ITIH2: variants seen among roughly 807,000 people sequenced by gnomAD.
The protein encoded by ITIH2 is inter-alpha-trypsin inhibitor heavy chain 2.
A neutral mutation model predicts 104.4 loss-of-function variants in ITIH2; 103 were observed. That is an observed-to-expected ratio of 0.99 (90% CI 0.84 to 1.16). The LOEUF (loss-of-function observed/expected upper bound fraction) is 1.16, where lower values mean the gene tolerates loss of function less well. Among genes scored for constraint, ITIH2 ranks in the 50% most tolerant of loss-of-function variants. ITIH2 has a pLI of 0.00. For synonymous variants in ITIH2, 436 were observed against 435.4 expected, an observed-to-expected ratio of 1.00 and a Z score of -0.02; for missense variants, 1,108 against 1,162.4, an observed-to-expected ratio of 0.95 and a Z score of 0.68.
At chr10:7,735,812 A>T (rs983119946) in intron 15 of ITIH2, among the ~76,000 whole-genome samples, 1 of 151,740 alleles carries the variant, frequency 6.6e-6, no homozygotes, top group Admixed American at 6.6e-5. Context: ...AGCTGGGATT[A>T]CAGGCATGTG....
At chr10:7,731,063 C>T (rs1055619948) in intron 12 of ITIH2, among the ~76,000 whole-genome samples, 2 of 152,088 alleles carry the variant, frequency 1.3e-5, no homozygotes, top group East Asian at 1.9e-4. Context: ...GGATTACAGG[C>T]ATGTGCCACC....
chr10:7,742,229 T>C (rs1033347908), intron 16 of ITIH2, among the ~76,000 whole-genome samples: 3 of 149,506 alleles, frequency 2.0e-5, no homozygotes, highest in Admixed American at 1.3e-4. Context: ...AATGGTTAAA[T>C]GGGAAAGAGC....
At chr10:7,725,218 T>C (rs1440861909) in intron 9 of ITIH2, among the ~76,000 whole-genome samples, 1 of 151,996 alleles carries the variant, frequency 6.6e-6, no homozygotes, top group East Asian at 1.9e-4. Context: ...AAACCAAGAG[T>C]GGCAATTGCA....
At chr10:7,711,570 AC>A (rs1834797368) in intron 4 of ITIH2, among the ~76,000 whole-genome samples, 1 of 152,166 alleles carries the variant, frequency 6.6e-6, no homozygotes, top group Admixed American at 6.5e-5. Flanking sequence ...GGCCTTTGAG[AC>A]TTAGTTCTGA....
rs774524024 is a variant in ITIH2 at position 7,723,451 on chromosome 10, G to A, written c.868G>A (p.Val290Met). Residue 290 changes from valine to methionine, a missense_variant and splice_region_variant, in exon 9 of 21, where the codon GTG becomes ATG. Val to Met is a conservative substitution (Grantham distance 21, BLOSUM62 1). Transcript: ENST00000358415. The stretch of plus-strand genomic sequence containing the variant: ...CTCACAAATACCTTCTATTTTTCAG[G>A]TGTTTAATGGATATTTTGTCCACTT... The part of the protein sequence containing the change: ...KREEKAGELE[V>M]FNGYFVHFFA... 9 of 1,577,472 alleles carry A rather than the reference G, an allele frequency of 5.7e-6. No individual in the cohort carries two copies. In the South Asian group the frequency reaches 1.0e-4, roughly 17 times the overall value.
chr10:7,717,423 G>A lies in ITIH2; in HGVS notation c.468-203G>A, dbSNP rs975779116. 3.3e-5 allele frequency among the ~76,000 whole-genome samples: 5 copies of A among 152,324 alleles called. No homozygotes were observed. The East Asian group carries it at 5.8e-4, about 18-fold the overall frequency. On this transcript the variant is annotated intron_variant, in intron 5 of 20. Transcript: ENST00000358415. The stretch of plus-strand genomic sequence containing the variant: ...TAAGAAGCTCTGGGAGCTGGAGATC[G>A]GGTAGGAGAGGAGACTGAAGCTCTT...
chr10:7,717,881 T>G lies in ITIH2; in HGVS notation c.630+93T>G. 3 of 1,273,590 alleles carry G rather than the reference T, an allele frequency of 2.4e-6. No homozygotes were observed. The South Asian group carries it at 4.1e-5, about 17-fold the overall frequency. The allele number at this position is 1,273,590 out of a possible 1,614,324, so 78.9% of individuals were successfully genotyped here. On this transcript the variant is annotated intron_variant, in intron 6 of 20. Transcript: ENST00000358415. Reference sequence around the variant, plus strand: ...TTCTGCTTGTCACTAGCACTTGTGGTGTTGGATGCCACTCAACTCTACAAG... The same window carrying G: ...TTCTGCTTGTCACTAGCACTTGTGGGGTTGGATGCCACTCAACTCTACAAG...
intron 11 of ITIH2, among the ~76,000 whole-genome samples, chr10:7,728,390 T>C (rs1437060693): frequency 6.6e-6 from 1 of 152,182 alleles, no homozygotes; most frequent in Non-Finnish European, 1.5e-5. Context: ...GTTTATTTTA[T>C]TTATTTTTGA....
At chr10:7,730,541 C>T (rs1341271846) in intron 12 of ITIH2, among the ~76,000 whole-genome samples, 1 of 152,130 alleles carries the variant, frequency 6.6e-6, no homozygotes, top group Non-Finnish European at 1.5e-5. Context: ...AAGATACAGG[C>T]TGAGTGTGGT....
chr10:7,735,821 T>C (rs866431525), intron 15 of ITIH2, among the ~76,000 whole-genome samples: 2 of 151,872 alleles, frequency 1.3e-5, no homozygotes, highest in Admixed American at 6.6e-5. Flanking sequence ...TACAGGCATG[T>C]GCCACCACGC....
intron 15 of ITIH2, among the ~76,000 whole-genome samples, chr10:7,736,746 G>A (rs527804531): frequency 4.6e-5 from 7 of 152,238 alleles, no homozygotes; most frequent in Non-Finnish European, 8.8e-5. Context: ...GTATTCATGG[G>A]TAAGTATTAT....
intron 3 of ITIH2, 147 bp from the exon 4 acceptor site, chr10:7,708,875 C>A: frequency 1.4e-6 from 1 of 695,536 alleles, no homozygotes; most frequent in Non-Finnish European, 2.5e-6. Context: ...CTTAACCATA[C>A]ATGAATTCTG....
At chr10:7,733,494 A>G (rs1835023700) in intron 14 of ITIH2, among the ~76,000 whole-genome samples, 1 of 152,142 alleles carries the variant, frequency 6.6e-6, no homozygotes, top group Admixed American at 6.6e-5. Context: ...ATGCTCATCT[A>G]TGTCCCCTCT....
chr10:7,714,284 G>T (rs917188782), intron 5 of ITIH2, among the ~76,000 whole-genome samples: 1 of 148,006 alleles, frequency 6.8e-6, no homozygotes, highest in African/African-American at 2.5e-5. Flanking sequence ...CCATTCTCCT[G>T]CCTCAGCCTC....
At chr10:7,713,127 A>G in intron 4 of ITIH2, 54 bp from the exon 5 acceptor site, 1 of 1,238,328 alleles carries the variant, frequency 8.1e-7, no homozygotes, top group Non-Finnish European at 1.1e-6. Context: ...CTCGAGGGGA[A>G]AAAAAAAAAA....
intron 2 of ITIH2, among the ~76,000 whole-genome samples, chr10:7,706,501 C>T (rs2131151220): frequency 6.6e-6 from 1 of 152,318 alleles, no homozygotes; most frequent in East Asian, 1.9e-4. Flanking sequence ...GTGCCAGTCA[C>T]TGTGTTTGCC....
At chr10:7,719,112 G>T (rs1375139956) in intron 6 of ITIH2, among the ~76,000 whole-genome samples, 1 of 152,152 alleles carries the variant, frequency 6.6e-6, no homozygotes, top group Non-Finnish European at 1.5e-5. Flanking sequence ...GTTGTGAATT[G>T]CCCGGAGACA....
At position 7,738,627 on chromosome 10, in the gene ITIH2, T is replaced by C. The variant is rs780506221; in HGVS notation, c.1964T>C (p.Leu655Pro). The C allele has an allele frequency of 5.0e-6, 8 of 1,613,698 alleles. No homozygotes were observed. In the East Asian group the frequency reaches 6.7e-5, roughly 14 times the overall value. The change falls in exon 16 of 21, where the codon CTG becomes CCG. Residue 655 changes from leucine to proline, a missense_variant. Coordinates refer to ENST00000358415, the MANE Select transcript of ITIH2 (RefSeq NM_002216.3). ...TGCAGGTTTGTCTACGCAGGGGCCC[T>C]GTATTACGGCAGCAAAGTGGTTCCA... ...PQDPSCCSGA[L>P]YYGSKVVPDS...
At chr10:7,734,788 TC>T (rs922445008) in intron 14 of ITIH2, 133 bp from the exon 15 acceptor site, 104 of 658,198 alleles carry the variant, frequency 1.6e-4, no homozygotes, top group African/African-American at 1.6e-3. Flanking sequence ...GAGTTCTGTT[TC>T]CCAGTTACTT....
Sources: gnomAD v4.1 joint callset for allele counts (sites outside exome capture counted in the v4.1 genomes callset) on GRCh38, gnomAD v4.1.1 for gene constraint, MANE v1.5 for transcripts, NCBI Gene and HGNC (gene_info 2026-07-23, HGNC 2026-07-21) for gene names.